SPTLC3: variants seen among roughly 807,000 people sequenced by gnomAD.
SPTLC3 encodes serine palmitoyltransferase long chain base subunit 3, also known as serine palmitoyltransferase 3.
Under a neutral mutation model 59.3 loss-of-function variants are expected in SPTLC3, and 36 were observed. That is an observed-to-expected ratio of 0.61 (90% CI 0.47 to 0.80). SPTLC3 has a LOEUF of 0.80. Ranked by LOEUF, SPTLC3 falls within the 30% of genes least tolerant of loss-of-function variation. The probability of loss-of-function intolerance (pLI) is 0.00; values close to 1 mark genes in which losing one functional copy is unlikely to be tolerated. For synonymous variants in SPTLC3, 257 were observed against 240.8 expected (o/e 1.07, Z -0.62); for missense variants, 625 against 685.1 (o/e 0.91, Z 0.98).
intron 2 of SPTLC3, among the ~76,000 whole-genome samples, chr20:13,059,875 G>C (rs1218341439): frequency 2.0e-5 from 3 of 151,786 alleles, no homozygotes; most frequent in South Asian, 4.2e-4. Context: ...ACCTCATCTT[G>C]ATACCCACCC....
chr20:13,116,034 A>C (rs1219939611), intron 7 of SPTLC3, among the ~76,000 whole-genome samples: 2 of 152,156 alleles, frequency 1.3e-5, no homozygotes, highest in Non-Finnish European at 2.9e-5. Context: ...AAGAAAAGAC[A>C]ACTGTATTTG....
intron 9 of SPTLC3, among the ~76,000 whole-genome samples, chr20:13,144,364 A>T (rs1345554215): frequency 3.3e-5 from 5 of 152,352 alleles, no homozygotes; most frequent in Non-Finnish European, 5.9e-5. Context: ...AATAATAGGT[A>T]CTAAGTAAGT....
chr20:13,104,087 A>G (rs1989736240), intron 6 of SPTLC3, among the ~76,000 whole-genome samples: 1 of 152,220 alleles, frequency 6.6e-6, no homozygotes. Context: ...CTTTGGACAC[A>G]TAGTTGGATT....
rs571222598 is a variant in SPTLC3, at chr20:13,022,402, TA to T, written c.117+13025del. Reference sequence around the variant, plus strand: ...CAATGCAGCCCAACACACAGTGGCATAAAAAAATGATTTTATTATGCTTGTG... The same window carrying T: ...CAATGCAGCCCAACACACAGTGGCATAAAAAATGATTTTATTATGCTTGTG... On this transcript the variant is annotated intron_variant, in intron 1 of 11. Coordinates refer to ENST00000399002, the MANE Select transcript of SPTLC3 (RefSeq NM_018327.4). Among the ~76,000 whole-genome samples, 87 of 152,276 alleles carry T rather than the reference TA, an allele frequency of 5.7e-4. No individual in the cohort carries two copies. In the Middle Eastern group the frequency reaches 0.01, roughly 18 times the overall value.
At chr20:13,129,307 A>AGGT (rs2038067077) in intron 9 of SPTLC3, among the ~76,000 whole-genome samples, 1 of 152,140 alleles carries the variant, frequency 6.6e-6, no homozygotes, top group African/African-American at 2.4e-5. Context: ...TGTCTTAAAC[A>AGGT]GGTATCTTTT....
At chr20:13,077,272 A>G (rs1454499221) in intron 4 of SPTLC3, among the ~76,000 whole-genome samples, 1 of 150,498 alleles carries the variant, frequency 6.6e-6, no homozygotes, top group Non-Finnish European at 1.5e-5. Flanking sequence ...TATTTTATAT[A>G]TAAAATACAA....
intron 1 of SPTLC3, among the ~76,000 whole-genome samples, chr20:13,011,552 A>G (rs1453427474): frequency 6.6e-6 from 1 of 152,154 alleles, no homozygotes; most frequent in Non-Finnish European, 1.5e-5. Context: ...TATGAAAATT[A>G]CTATTAGGCG....
In SPTLC3 at chr20:13,153,983, T is replaced by C; in HGVS notation, c.1280-20T>C. 6.2e-7 allele frequency: 1 copy of C among 1,612,512 alleles called. No individual in the cohort carries two copies. Among genetic ancestry groups the C allele is most frequent in the African/African-American group, 1.3e-5 (1 of 74,978 alleles). ...TCTTTCTAGTGGGAATTGATGGATT[T>C]CACGCCTGTCTCTTTTCAGGGCTGC... On this transcript the variant is annotated intron_variant, in intron 9 of 11. Transcript: ENST00000399002.
intron 9 of SPTLC3, among the ~76,000 whole-genome samples, chr20:13,129,941 G>GAAAA (rs143445605): frequency 6.8e-6 from 1 of 147,068 alleles, no homozygotes; most frequent in Non-Finnish European, 1.5e-5. Context: ...TCTTAAGAGA[G>GAAAA]AAAAAAAAAA....
chr20:13,139,628 C>T (rs776556185), intron 9 of SPTLC3, among the ~76,000 whole-genome samples: 1 of 152,174 alleles, frequency 6.6e-6, no homozygotes, highest in Non-Finnish European at 1.5e-5. Flanking sequence ...GTTTGTAACT[C>T]AGTCACATGA....
At chr20:13,010,523 G>T (rs1985186152) in intron 1 of SPTLC3, among the ~76,000 whole-genome samples, 1 of 152,248 alleles carries the variant, frequency 6.6e-6, no homozygotes, top group East Asian at 1.9e-4. Context: ...TTAACAAAAG[G>T]CACTGTCCAA....
chr20:13,070,106 C>CA (rs33925685), intron 2 of SPTLC3, among the ~76,000 whole-genome samples: 5 of 151,718 alleles, frequency 3.3e-5, no homozygotes, highest in Non-Finnish European at 5.9e-5. Context: ...CTTGTAGCCT[C>CA]AAAAAATATG....
chr20:13,040,429 G>A (rs891527030), intron 1 of SPTLC3, among the ~76,000 whole-genome samples: 15 of 151,834 alleles, frequency 9.9e-5, no homozygotes, highest in African/African-American at 3.6e-4. Context: ...CGCAATCTCG[G>A]CTCACTGCAA....
At chr20:13,011,675 T>C (rs1462632271) in intron 1 of SPTLC3, among the ~76,000 whole-genome samples, 2 of 151,888 alleles carry the variant, frequency 1.3e-5, no homozygotes, top group Non-Finnish European at 2.9e-5. Flanking sequence ...AGCCTTTCCA[T>C]TCTTAGAAAC....
At chr20:13,064,289 G>GTT (rs1568584882) in intron 2 of SPTLC3, among the ~76,000 whole-genome samples, 5 of 38,228 alleles carry the variant, frequency 1.3e-4, no homozygotes, top group South Asian at 6.5e-4. Flanking sequence ...TTTTTGTTTT[G>GTT]TTTTTGTTTT....
chr20:13,149,446 A>G (rs150001100), intron 9 of SPTLC3, among the ~76,000 whole-genome samples: 48 of 152,390 alleles, frequency 3.1e-4, no homozygotes, highest in Non-Finnish European at 4.6e-4. Flanking sequence ...GTAGCGTTTT[A>G]TAGGTACAAA....
intron 3 of SPTLC3, chr20:13,074,048 C>A: frequency 1.6e-6 from 1 of 642,572 alleles, no homozygotes; most frequent in South Asian, 1.4e-5. Flanking sequence ...GTGGCAGGTC[C>A]AAGTTGGAGG....
At chr20:13,042,960 T>C (rs1009460943) in intron 1 of SPTLC3, among the ~76,000 whole-genome samples, 2 of 152,202 alleles carry the variant, frequency 1.3e-5, no homozygotes, top group Admixed American at 1.3e-4. Context: ...AGCAGGGAAA[T>C]AGTCTACCTT....
In SPTLC3 at chr20:13,130,084, A is replaced by T. The variant is rs147206730; in HGVS notation, c.1279+3367A>T. On this transcript the variant is annotated intron_variant, in intron 9 of 11. Transcript: ENST00000399002. Reference sequence around the variant, plus strand: ...AAGAAAATTGACAGAATTATCAGCCAAGTTTCAGGTAGTTCTGCCTGACAC... The same window carrying T: ...AAGAAAATTGACAGAATTATCAGCCTAGTTTCAGGTAGTTCTGCCTGACAC... Among the ~76,000 whole-genome samples the T allele has an allele frequency of 3.0e-4, 46 of 152,366 alleles. 1 individual carries two copies. Among genetic ancestry groups the T allele is most frequent in the Middle Eastern group, 3.4e-3 (1 of 294 alleles).
Sources: gnomAD v4.1 joint callset for allele counts (sites outside exome capture counted in the v4.1 genomes callset) on GRCh38, gnomAD v4.1.1 for gene constraint, MANE v1.5 for transcripts, NCBI Gene and HGNC (gene_info 2026-07-23, HGNC 2026-07-21) for gene names.